Variants in BTG2 observed in about 807,000 individuals in gnomAD.
BTG2 encodes protein BTG2.
In BTG2, 9 loss-of-function variants were observed where a neutral mutation model predicts 13.1. The observed-to-expected ratio is 0.69, with a 90% CI of 0.41 to 1.20. The LOEUF (loss-of-function observed/expected upper bound fraction) is 1.20, where lower values mean the gene tolerates loss of function less well. Ranked by LOEUF, BTG2 falls within the 50% of genes most tolerant of loss-of-function variation. The probability of loss-of-function intolerance (pLI) is 0.00; values close to 1 mark genes in which losing one functional copy is unlikely to be tolerated. For synonymous variants in BTG2, 92 were observed against 88.6 expected (o/e 1.04, Z -0.21); for missense variants, 200 against 209.5 (o/e 0.95, Z 0.28).
At chr1:203,305,855 G>A (rs1658247360) in intron 1 of BTG2, 107 bp downstream of exon 1, 3 of 1,436,394 alleles carry the variant, frequency 2.1e-6, no homozygotes, top group Admixed American at 2.7e-5. Flanking sequence ...AGCAGCTTTG[G>A]GACTCGGTGG....
At chr1:203,306,335 C>G (rs571607501) in intron 1 of BTG2, among the ~76,000 whole-genome samples, 4 of 152,198 alleles carry the variant, frequency 2.6e-5, no homozygotes, top group Middle Eastern at 3.4e-3. Context: ...AGCCTCGTAG[C>G]TCGTGACCCT....
rs754858712 is a variant in BTG2, at chr1:203,307,157, C to T, written c.196C>T (p.Arg66Cys). Reference sequence around the variant, plus strand: ...AAAGCCGTCCAAGGGCTCCGGCTACCGCTGCATTCGCATCAACCACAAGAT... The same window carrying T: ...AAAGCCGTCCAAGGGCTCCGGCTACTGCTGCATTCGCATCAACCACAAGAT... The part of the protein sequence containing the change: ...PEKPSKGSGY[R>C]CIRINHKMDP... Residue 66 changes from arginine to cysteine, a missense_variant, in exon 2 of 2, where the codon CGC becomes TGC. Transcript: ENST00000290551. 5 of 1,614,228 alleles carry T rather than the reference C, an allele frequency of 3.1e-6. No homozygotes were observed. Among genetic ancestry groups the T allele is most frequent in the Non-Finnish European group, 4.2e-6 (5 of 1,180,034 alleles).
intron 1 of BTG2, among the ~76,000 whole-genome samples, chr1:203,306,242 T>C (rs1558183471): frequency 6.6e-6 from 1 of 152,198 alleles, no homozygotes; most frequent in Admixed American, 6.5e-5. Flanking sequence ...GGTTGCTGAC[T>C]GGCTTCAAGT....
rs1420823240 is a variant in BTG2 at position 203,307,712 on chromosome 1, G to A, written c.*274G>A. The A allele has an allele frequency of 2.4e-5, 6 of 249,914 alleles. No individual in the cohort carries two copies. In the South Asian group the frequency reaches 4.2e-4, roughly 18 times the overall value. The allele number at this position is 249,914 out of a possible 1,614,324, so 15.5% of individuals were successfully genotyped here. The stretch of plus-strand genomic sequence containing the variant: ...GTGTCTGCCTATAGGAGGGGGAGCT[G>A]TTAGGGGGTAGACCTAGCCAAGGAG... On this transcript the variant is annotated 3_prime_UTR_variant, in exon 2 of 2. Coordinates refer to ENST00000290551, the MANE Select transcript of BTG2 (RefSeq NM_006763.3).
intron 1 of BTG2, among the ~76,000 whole-genome samples, chr1:203,306,333 A>G (rs551519403): frequency 6.6e-6 from 1 of 152,156 alleles, no homozygotes; most frequent in South Asian, 2.1e-4. Context: ...AGAGCCTCGT[A>G]GCTCGTGACC....
rs1369440413 is a variant in BTG2, at chr1:203,309,530, A to G, written c.*2092A>G. The stretch of plus-strand genomic sequence containing the variant: ...TTACTAATTGTATGATAGTGTTTTT[A>G]TATGGAAGAATGTACAGCTTATGGA... On this transcript the variant is annotated 3_prime_UTR_variant, in exon 2 of 2. Coordinates refer to ENST00000290551, the MANE Select transcript of BTG2 (RefSeq NM_006763.3). 1 of 152,686 alleles carries G rather than the reference A, an allele frequency of 6.5e-6. No homozygotes were observed. Among genetic ancestry groups the G allele is most frequent in the African/African-American group, 2.4e-5 (1 of 41,462 alleles). The allele number at this position is 152,686 out of a possible 1,614,324, so 9.5% of individuals were successfully genotyped here. A position where few individuals can be genotyped will look rare whatever the true frequency, so the allele number is the denominator to read the frequency against.
rs1173338721 is a variant in BTG2 at position 203,305,711 on chromosome 1, T to G, written c.105T>G (p.Leu35=). 6.4e-7 allele frequency: 1 copy of G among 1,553,374 alleles called. No individual in the cohort carries two copies. Among genetic ancestry groups the G allele is most frequent in the Non-Finnish European group, 8.7e-7 (1 of 1,148,148 alleles). Residue 35 remains leucine, a synonymous_variant, in exon 1 of 2, where the codon CTT becomes CTG. Coordinates refer to ENST00000290551, the MANE Select transcript of BTG2 (RefSeq NM_006763.3). ...GGGGCTGCGTGAGCGAGCAGAGGCT[T>G]AAGGTCTTCAGCGGGGCGCTCCAGG... ...RTRGCVSEQR[L]KVFSGALQEA... is the part of the protein sequence containing the mutation.
intron 1 of BTG2, among the ~76,000 whole-genome samples, chr1:203,306,840 ACACT>A (rs760224664): frequency 0.032 from 2,038 of 62,920 alleles, 21 homozygotes; most frequent in Middle Eastern, 0.12. Flanking sequence ...TCACACACAC[ACACT>A]CAGTCACACA....
intron 1 of BTG2, among the ~76,000 whole-genome samples, chr1:203,306,410 CCTCT>C (rs1428704844): frequency 6.6e-6 from 1 of 152,000 alleles, no homozygotes; most frequent in Non-Finnish European, 1.5e-5. Context: ...TGGGGAGAGA[CCTCT>C]CTCCCAGCTG....
At chr1:203,305,808 G>A (rs6682806) in intron 1 of BTG2, 60 bp downstream of exon 1, 247,545 of 1,508,386 alleles carry the variant, frequency 0.16, 23,260 homozygotes, top group African/African-American at 0.41. Flanking sequence ...TGCCAGGGCC[G>A]TCTTTCTTCT....
At position 203,308,011 on chromosome 1, in the gene BTG2, T is replaced by A. The variant is rs1213848868; in HGVS notation, c.*573T>A. On this transcript the variant is annotated 3_prime_UTR_variant, in exon 2 of 2. Coordinates refer to ENST00000290551, the MANE Select transcript of BTG2 (RefSeq NM_006763.3). ...TGAAAAGGCCTCTCCTGATTCCTAC[T>A]GTCCTAAGCTGCTTTTCTTGAAATC... The A allele has an allele frequency of 6.5e-6, 1 of 152,676 alleles. No homozygotes were observed. Among genetic ancestry groups the A allele is most frequent in the Non-Finnish European group, 1.5e-5 (1 of 68,062 alleles). 9.5% of individuals were successfully genotyped at this position (152,676 alleles called of 1,614,324 possible).
chr1:203,306,363 G>T (rs535285778), intron 1 of BTG2, among the ~76,000 whole-genome samples: 1 of 152,086 alleles, frequency 6.6e-6, no homozygotes, highest in Non-Finnish European at 1.5e-5. Context: ...GGGCCTTCAA[G>T]TTGGGAGGTG....
intron 1 of BTG2, among the ~76,000 whole-genome samples, chr1:203,306,030 A>G (rs1658254166): frequency 1.3e-5 from 2 of 152,042 alleles, no homozygotes; most frequent in African/African-American, 4.8e-5. Flanking sequence ...TCCCCAGCTT[A>G]TGCCCCTGTC....
In BTG2 at chr1:203,305,546, C is replaced by A; in HGVS notation, c.-61C>A. 1 of 1,549,908 alleles carries A rather than the reference C, an allele frequency of 6.5e-7. No homozygotes were observed. The highest frequency in any genetic ancestry group is 1.2e-5 in the South Asian group (1 of 84,012). ...AGCCCGAGCAGCGGCCAGGGTAACG[C>A]TGTCTTGTGGACCCGCACTTCCCAC... On this transcript the variant is annotated 5_prime_UTR_variant, in exon 1 of 2. It adds an upstream start codon to the 5' untranslated region. Coordinates refer to ENST00000290551, the MANE Select transcript of BTG2 (RefSeq NM_006763.3).
At chr1:203,305,776 C>T in intron 1 of BTG2, 28 bp downstream of exon 1, 3 of 1,534,784 alleles carry the variant, frequency 2.0e-6, no homozygotes, top group Non-Finnish European at 2.6e-6. Flanking sequence ...GGCCTGGCGC[C>T]ACCGGGGGTC....
At position 203,307,250 on chromosome 1, in the gene BTG2, C is replaced by A; in HGVS notation, c.289C>A (p.Pro97Thr). ...LSQPQLHQLLPSELTLWVDPY... is the reference protein window; with the variant it reads ...LSQPQLHQLLTSELTLWVDPY... Reference sequence around the variant, plus strand: ...CCAGCCCCAGCTGCACCAGCTGCTGCCCAGCGAGCTGACCCTGTGGGTGGA... The same window carrying A: ...CCAGCCCCAGCTGCACCAGCTGCTGACCAGCGAGCTGACCCTGTGGGTGGA... The change falls in exon 2 of 2, where the codon CCC becomes ACC. Residue 97 changes from proline to threonine, a missense_variant. By Grantham distance (38) the Pro-to-Thr change is conservative. Coordinates refer to ENST00000290551, the MANE Select transcript of BTG2 (RefSeq NM_006763.3). 1 of 1,614,230 alleles carries A rather than the reference C, an allele frequency of 6.2e-7. No homozygotes were observed. Among genetic ancestry groups the A allele is most frequent in the Non-Finnish European group, 8.5e-7 (1 of 1,180,050 alleles).
rs1198189403 is a variant in BTG2 at position 203,307,175 on chromosome 1, CA to C, written c.215del (p.His72ProfsTer29). ...GSGYRCIRIN[H>X]KMDPIISRVA... is the part of the protein sequence containing the mutation. ...CGGCTACCGCTGCATTCGCATCAAC[CA>C]CAAGATGGACCCCATCATCAGCAGG... On this transcript the variant is annotated frameshift_variant, in exon 2 of 2. Transcript: ENST00000290551. LOFTEE classifies it high-confidence loss of function. 1.2e-6 allele frequency: 2 copies of C among 1,614,152 alleles called. No homozygotes were observed. The highest frequency in any genetic ancestry group is 2.7e-5 in the African/African-American group (2 of 74,946).
chr1:203,306,105 C>T (rs1451585723), intron 1 of BTG2, among the ~76,000 whole-genome samples: 3 of 152,150 alleles, frequency 2.0e-5, no homozygotes, highest in Admixed American at 1.3e-4. Flanking sequence ...GATGTTGTTG[C>T]GGGCCGCCCG....
At chr1:203,306,825 C>G (rs903523393) in intron 1 of BTG2, among the ~76,000 whole-genome samples, 1 of 141,146 alleles carries the variant, frequency 7.1e-6, no homozygotes, top group East Asian at 2.1e-4. Flanking sequence ...CACACACTCT[C>G]TCTCTCACAC....
Sources: allele counts gnomAD v4.1 joint callset (sites outside exome capture counted in the v4.1 genomes callset), GRCh38; gene constraint gnomAD v4.1.1; transcripts MANE v1.5; gene names NCBI Gene and HGNC (gene_info 2026-07-23, HGNC 2026-07-21).